Variants in NPTN observed in about 807,000 individuals in gnomAD.
NPTN encodes the protein SDR-1.
NPTN carries 5 observed loss-of-function variants against 42.7 expected under a neutral mutation model. The observed-to-expected ratio is 0.12, with a 90% CI of 0.06 to 0.25. The LOEUF (loss-of-function observed/expected upper bound fraction) is 0.25, where lower values mean the gene tolerates loss of function less well. NPTN is among the 10% of genes least tolerant of loss of function. NPTN has a pLI of 1.00. For missense variants in NPTN, 307 were observed against 525.4 expected, an observed-to-expected ratio of 0.58 and a Z score of 4.06; for synonymous variants, 180 against 201.9, an observed-to-expected ratio of 0.89 and a Z score of 0.92.
chr15:73,626,927 G>GTTT (rs1242267155), intron 1 of NPTN, among the ~76,000 whole-genome samples: 4 of 152,116 alleles, frequency 2.6e-5, no homozygotes, highest in Admixed American at 1.3e-4. Context: ...TAAGGCAAGA[G>GTTT]AAGGATATCC....
At chr15:73,564,029 A>C (rs1374221357) in intron 6 of NPTN, among the ~76,000 whole-genome samples, 2 of 152,196 alleles carry the variant, frequency 1.3e-5, no homozygotes, top group African/African-American at 4.8e-5. Context: ...TAAAATCAAA[A>C]AGCTGACATT....
At chr15:73,595,207 G>A (rs1488829671) in intron 2 of NPTN, among the ~76,000 whole-genome samples, 1 of 152,178 alleles carries the variant, frequency 6.6e-6, no homozygotes, top group Non-Finnish European at 1.5e-5. Context: ...CAGGCTCTTG[G>A]AAGTATAAGT....
intron 4 of NPTN, among the ~76,000 whole-genome samples, chr15:73,574,103 C>T (rs962186097): frequency 5.3e-5 from 8 of 152,214 alleles, no homozygotes; most frequent in Admixed American, 4.6e-4. Flanking sequence ...ATTAAGCCTA[C>T]CTTTAAAGAA....
chr15:73,628,742 A>AT (rs1898570336), intron 1 of NPTN, among the ~76,000 whole-genome samples: 1 of 152,062 alleles, frequency 6.6e-6, no homozygotes, highest in Admixed American at 6.5e-5. Context: ...GCCCAATTAA[A>AT]TCTTTTTTTA....
intron 1 of NPTN, among the ~76,000 whole-genome samples, chr15:73,621,672 C>A (rs1595969059): frequency 1.3e-5 from 2 of 152,330 alleles, no homozygotes; most frequent in African/African-American, 4.8e-5. Flanking sequence ...CATTACCCAA[C>A]AAGATGACCT....
At chr15:73,630,178 A>T (rs902134252) in intron 1 of NPTN, among the ~76,000 whole-genome samples, 2 of 152,202 alleles carry the variant, frequency 1.3e-5, no homozygotes, top group African/African-American at 4.8e-5. Flanking sequence ...ATCCCTAGGG[A>T]ATGGACATGA....
chr15:73,631,637 A>C (rs1191352533), intron 1 of NPTN, among the ~76,000 whole-genome samples: 1 of 152,248 alleles, frequency 6.6e-6, no homozygotes, highest in East Asian at 1.9e-4. Flanking sequence ...CTCTCTAATA[A>C]GAGTAATCAT....
At chr15:73,587,156 GC>G (rs1896357475) in intron 4 of NPTN, among the ~76,000 whole-genome samples, 1 of 152,144 alleles carries the variant, frequency 6.6e-6, no homozygotes, top group Admixed American at 6.5e-5. Flanking sequence ...AAAGCCTTGG[GC>G]CATAGGAGCT....
intron 2 of NPTN, among the ~76,000 whole-genome samples, chr15:73,594,202 T>G (rs1351292157): frequency 6.6e-6 from 1 of 152,206 alleles, no homozygotes; most frequent in Non-Finnish European, 1.5e-5. Context: ...GTTCTGGGTA[T>G]TCCTCTCAGA....
intron 4 of NPTN, among the ~76,000 whole-genome samples, chr15:73,580,230 G>A (rs78493906): frequency 0.031 from 4,661 of 151,042 alleles, 87 homozygotes; most frequent in African/African-American, 0.056. Context: ...TATACAACAT[G>A]CGAGGAGGGA....
rs150293276 is a variant in NPTN, at chr15:73,579,500, G to T, written c.707-5705C>A. On this transcript the variant is annotated intron_variant, in intron 4 of 8. Transcript: ENST00000345330. ...TTCAGTACTATCAGCTTTTGCTTTG[G>T]GGACTCATTTCCAAGACTGTACATT... Among the ~76,000 whole-genome samples, 182 of 151,850 alleles carry T rather than the reference G, an allele frequency of 1.2e-3. 1 individual carries two copies. The highest frequency in any genetic ancestry group is 4.2e-3 in the African/African-American group (174 of 41,366).
At chr15:73,601,595 G>C (rs949179956) in intron 1 of NPTN, among the ~76,000 whole-genome samples, 5 of 152,270 alleles carry the variant, frequency 3.3e-5, no homozygotes, top group African/African-American at 1.2e-4. Context: ...AAAGTTGGGA[G>C]GCCAACAGAA....
chr15:73,609,422 A>C (rs1191363794), intron 1 of NPTN, among the ~76,000 whole-genome samples: 3 of 137,496 alleles, frequency 2.2e-5, no homozygotes, highest in Admixed American at 1.4e-4. Flanking sequence ...CCTGAGGTGG[A>C]GTTCAAGAGC....
Position 73,616,160 on chromosome 15 carries a change from A to G in NPTN, c.91+16965T>C, listed in dbSNP as rs202236512. On this transcript the variant is annotated intron_variant, in intron 1 of 8. Transcript: ENST00000345330. ...TAAGTATCTTAATTCTCAGTTTTAC[A>G]AAGTATGCACAGGACCTCTTCCGTG... 2.0e-4 allele frequency among the ~76,000 whole-genome samples: 31 copies of G among 152,312 alleles called. No individual in the cohort carries two copies. The East Asian group carries it at 3.7e-3, about 18-fold the overall frequency.
chr15:73,570,894 C>T lies in NPTN; in HGVS notation c.841-471G>A, dbSNP rs1895338527. On this transcript the variant is annotated intron_variant, in intron 5 of 8. Transcript: ENST00000345330. This position sits in a 1 kb window ranked among gnomAD's most constrained non-coding sequence, Gnocchi z 4.0. The stretch of plus-strand genomic sequence containing the variant: ...CCTTAAACTTCCTCCACAAACAATG[C>T]TAAGAACTCACTCCTAGTCAGACTG... Among the ~76,000 whole-genome samples, 1 of 152,202 alleles carries T rather than the reference C, an allele frequency of 6.6e-6. No individual in the cohort carries two copies. The highest frequency in any genetic ancestry group is 1.9e-4 in the East Asian group (1 of 5,196).
At chr15:73,566,589 G>C (rs895251198) in intron 6 of NPTN, among the ~76,000 whole-genome samples, 1 of 152,184 alleles carries the variant, frequency 6.6e-6, no homozygotes, top group African/African-American at 2.4e-5. Flanking sequence ...TTCCTCCAGG[G>C]CCTGGGGAGG....
At chr15:73,626,140 G>C (rs1450853841) in intron 1 of NPTN, among the ~76,000 whole-genome samples, 1 of 152,156 alleles carries the variant, frequency 6.6e-6, no homozygotes, top group Non-Finnish European at 1.5e-5. Flanking sequence ...AATACAAATA[G>C]TTAAGTGTGT....
intron 4 of NPTN, among the ~76,000 whole-genome samples, chr15:73,584,022 A>T (rs1266333530): frequency 6.6e-6 from 1 of 152,246 alleles, no homozygotes; most frequent in Non-Finnish European, 1.5e-5. Context: ...AGTCAAATAT[A>T]GAGAAAGCTA....
At chr15:73,567,403 G>A (rs1895092717) in intron 6 of NPTN, 1 of 985,260 alleles carries the variant, frequency 1.0e-6, no homozygotes. Flanking sequence ...AAACACTTAT[G>A]ACCTCTTAAC....
Sources: gnomAD v4.1 joint callset for allele counts (sites outside exome capture counted in the v4.1 genomes callset) on GRCh38, gnomAD v4.1.1 for gene constraint, Gnocchi (gnomAD v3.1) non-coding constraint, MANE v1.5 for transcripts, NCBI Gene and HGNC (gene_info 2026-07-23, HGNC 2026-07-21) for gene names.